CACHD1: variants seen among roughly 807,000 people sequenced by gnomAD.
CACHD1 encodes VWFA and cache domain-containing protein 1.
In CACHD1, 71 loss-of-function variants were observed where a neutral mutation model predicts 138.7. The ratio of observed to expected loss-of-function variants is 0.51; its 90% confidence interval spans 0.42 to 0.62. CACHD1 has a LOEUF of 0.62. Among genes scored for constraint, CACHD1 ranks in the 20% least tolerant of loss-of-function variants. The pLI is 0.00. For synonymous variants in CACHD1, 578 were observed against 591.5 expected (o/e 0.98, Z 0.33); for missense variants, 1,389 against 1,625.3 (o/e 0.85, Z 2.50).
intron 2 of CACHD1, among the ~76,000 whole-genome samples, chr1:64,580,593 C>A (rs1310150499): frequency 6.6e-6 from 1 of 152,076 alleles, no homozygotes; most frequent in Non-Finnish European, 1.5e-5. Context: ...ATATTAATAT[C>A]CTTAATAAAA....
chr1:64,575,095 C>G lies in CACHD1; in HGVS notation c.262-7061C>G, dbSNP rs1646956912. Among the ~76,000 whole-genome samples, 4 of 152,248 alleles carry G rather than the reference C, an allele frequency of 2.6e-5. No individual in the cohort carries two copies. The South Asian group carries it at 8.3e-4, about 32-fold the overall frequency. ...TACTACTACCTTTCTAGGCCAGAGA[C>G]TGTCCACTATGATAGTAAGAATAAT... On this transcript the variant is annotated intron_variant, in intron 2 of 26. Transcript: ENST00000651257.
intron 1 of CACHD1, among the ~76,000 whole-genome samples, chr1:64,477,880 C>T (rs571828329): frequency 1.3e-4 from 19 of 150,088 alleles, no homozygotes; most frequent in Non-Finnish European, 2.7e-4. Context: ...GTGATCCACC[C>T]GCCTCGGCCT....
At chr1:64,664,723 C>G (rs371281614) in intron 15 of CACHD1, 44 bp downstream of exon 15, 5 of 1,572,758 alleles carry the variant, frequency 3.2e-6, no homozygotes, top group Non-Finnish European at 4.4e-6. Flanking sequence ...TCCCCCAAAT[C>G]CTGGAGAGAC....
At chr1:64,543,545 C>T (rs1646694760) in intron 1 of CACHD1, among the ~76,000 whole-genome samples, 1 of 151,644 alleles carries the variant, frequency 6.6e-6, no homozygotes, top group South Asian at 2.1e-4. Context: ...TACTGCACTC[C>T]AGCCTGGGTA....
intron 24 of CACHD1, 80 bp downstream of exon 24, chr1:64,679,836 A>T: frequency 6.7e-7 from 1 of 1,483,930 alleles, no homozygotes. Context: ...CCTCTAAGGA[A>T]CTGTCAGAAC....
At chr1:64,480,886 CTT>C (rs530847374) in intron 1 of CACHD1, among the ~76,000 whole-genome samples, 28 of 140,430 alleles carry the variant, frequency 2.0e-4, no homozygotes, top group Admixed American at 3.6e-4. Flanking sequence ...CTCTCTCTCC[CTT>C]TTTTTTTTTT....
intron 8 of CACHD1, among the ~76,000 whole-genome samples, chr1:64,642,891 T>C (rs566735795): frequency 2.0e-5 from 3 of 151,020 alleles, no homozygotes; most frequent in South Asian, 4.2e-4. Context: ...ATACAAAAAT[T>C]AGCTGGGCGT....
Position 64,671,538 on chromosome 1 carries a change from T to G in CACHD1, c.2388-26T>G, listed in dbSNP as rs1570470597. On this transcript the variant is annotated intron_variant, in intron 16 of 26. Transcript: ENST00000651257. Reference sequence around the variant, plus strand: ...ATCCTTAAATAAGCCATGCCTATTGTTCTCATTGATCTTTTTCACTTAAAG... The same window carrying G: ...ATCCTTAAATAAGCCATGCCTATTGGTCTCATTGATCTTTTTCACTTAAAG... 14 of 1,613,316 alleles carry G rather than the reference T, an allele frequency of 8.7e-6. No homozygotes were observed. In the East Asian group the frequency reaches 3.1e-4, roughly 36 times the overall value.
chr1:64,483,658 A>G (rs1364797780), intron 1 of CACHD1, among the ~76,000 whole-genome samples: 2 of 147,066 alleles, frequency 1.4e-5, no homozygotes, highest in Non-Finnish European at 3.0e-5. Context: ...AGTGTAGGCA[A>G]CATGGTGAGA....
intron 1 of CACHD1, among the ~76,000 whole-genome samples, chr1:64,507,809 A>G (rs1646389046): frequency 6.6e-6 from 1 of 152,208 alleles, no homozygotes; most frequent in South Asian, 2.1e-4. Context: ...TTGAGTTCAA[A>G]CCACCAGTAT....
intron 1 of CACHD1, among the ~76,000 whole-genome samples, chr1:64,530,722 T>C (rs1646576048): frequency 6.6e-6 from 1 of 151,896 alleles, no homozygotes; most frequent in Admixed American, 6.6e-5. Flanking sequence ...AATACAAAAA[T>C]TAGCCAGACA....
intron 4 of CACHD1, among the ~76,000 whole-genome samples, chr1:64,618,564 C>T (rs908478115): frequency 6.6e-6 from 1 of 152,144 alleles, no homozygotes; most frequent in African/African-American, 2.4e-5. Flanking sequence ...TAAAGAGTAT[C>T]CAGTGATCCC....
chr1:64,533,412 A>T (rs999586132), intron 1 of CACHD1, among the ~76,000 whole-genome samples: 1 of 152,170 alleles, frequency 6.6e-6, no homozygotes, highest in Admixed American at 6.5e-5. Context: ...TAGATGGGGA[A>T]TATTGCAAAT....
intron 16 of CACHD1, among the ~76,000 whole-genome samples, chr1:64,666,625 C>T (rs1043127848): frequency 6.6e-6 from 1 of 151,776 alleles, no homozygotes; most frequent in African/African-American, 2.4e-5. Context: ...ACTTGTAATC[C>T]CAGCACCTTG....
intron 17 of CACHD1, among the ~76,000 whole-genome samples, chr1:64,672,332 G>A (rs918503920): frequency 1.3e-5 from 2 of 152,158 alleles, no homozygotes; most frequent in African/African-American, 4.8e-5. Flanking sequence ...CTTGATTAAA[G>A]CAGTTCTAGC....
intron 3 of CACHD1, among the ~76,000 whole-genome samples, chr1:64,584,693 C>T (rs1179401153): frequency 6.6e-6 from 1 of 152,102 alleles, no homozygotes; most frequent in African/African-American, 2.4e-5. Flanking sequence ...CTGTTCTGGG[C>T]AGGAATTACA....
Position 64,516,750 on chromosome 1 carries a change from A to G in CACHD1, c.199-33844A>G, listed in dbSNP as rs1198480554. 1.3e-5 allele frequency among the ~76,000 whole-genome samples: 2 copies of G among 152,216 alleles called. 1 individual carries two copies. Among genetic ancestry groups the G allele is most frequent in the South Asian group, 4.1e-4 (2 of 4,838 alleles). ...TTATTATTGTTCTTTCTACTATACC[A>G]TAAAGCATATTCTATAATATAGAAA... On this transcript the variant is annotated intron_variant, in intron 1 of 26. Coordinates refer to ENST00000651257, the MANE Select transcript of CACHD1 (RefSeq NM_020925.4).
At chr1:64,579,873 CTG>C (rs1284724491) in intron 2 of CACHD1, 1 of 153,278 alleles carries the variant, frequency 6.5e-6, no homozygotes, top group Non-Finnish European at 1.5e-5. Flanking sequence ...TCTCACGAGA[CTG>C]TATGTCCTAA....
chr1:64,656,636 C>G (rs1030009922), intron 12 of CACHD1, among the ~76,000 whole-genome samples: 1 of 151,784 alleles, frequency 6.6e-6, no homozygotes, highest in African/African-American at 2.4e-5. Flanking sequence ...TTCAACGATG[C>G]TAGTAAATTC....
Sources: allele counts gnomAD v4.1 joint callset (sites outside exome capture counted in the v4.1 genomes callset), GRCh38; gene constraint gnomAD v4.1.1; transcripts MANE v1.5; gene names NCBI Gene and HGNC (gene_info 2026-07-23, HGNC 2026-07-21).